Variants in SOX5 observed in about 807,000 individuals in gnomAD.
SOX5 encodes SRY-box transcription factor 5, also known as transcription factor SOX-5.
In SOX5, 9 loss-of-function variants were observed where a neutral mutation model predicts 92.0. The observed-to-expected ratio is 0.10, with a 90% CI of 0.06 to 0.17. SOX5 has a LOEUF of 0.17. Among genes scored for constraint, SOX5 ranks in the 10% least tolerant of loss-of-function variants. SOX5 has a pLI of 1.00. For synonymous variants in SOX5, 344 were observed against 336.3 expected (o/e 1.02, Z -0.25); for missense variants, 642 against 944.5 (o/e 0.68, Z 4.20).
At chr12:24,540,916 G>A (rs895308441) in intron 1 of SOX5, among the ~76,000 whole-genome samples, 1 of 152,006 alleles carries the variant, frequency 6.6e-6, no homozygotes, top group East Asian at 1.9e-4. Context: ...AGCTTCCATT[G>A]GGTGAAACTA....
At chr12:23,668,801 C>T (rs1398026872) in intron 6 of SOX5, among the ~76,000 whole-genome samples, 1 of 151,966 alleles carries the variant, frequency 6.6e-6, no homozygotes, top group East Asian at 1.9e-4. Flanking sequence ...TTTAAGAAGC[C>T]CCGTCTTAAT....
At chr12:24,378,474 C>A (rs1182820283) in intron 1 of SOX5, among the ~76,000 whole-genome samples, 4 of 152,206 alleles carry the variant, frequency 2.6e-5, no homozygotes, top group Admixed American at 2.6e-4. Flanking sequence ...GTTCCCCTAG[C>A]TCTGTCCTTG....
chr12:24,459,650 G>A (rs1312118711), intron 1 of SOX5, among the ~76,000 whole-genome samples: 1 of 151,920 alleles, frequency 6.6e-6, no homozygotes, highest in Non-Finnish European at 1.5e-5. Flanking sequence ...GAGTATACAG[G>A]GTACCAAAGG....
Position 24,268,183 on chromosome 12 carries a change from C to T in SOX5, c.-77+9033G>A, listed in dbSNP as rs1437414928. Among the ~76,000 whole-genome samples, 3 of 152,270 alleles carry T rather than the reference C, an allele frequency of 2.0e-5. No homozygotes were observed. In the East Asian group the frequency reaches 5.8e-4, roughly 29 times the overall value. ...TCTCCCAGTGAATTATATGTACATA[C>T]ACTTGAAACACCCAGAAAATAAGTC... On this transcript the variant is annotated intron_variant, in intron 3 of 4. Coordinates refer to the SOX5 transcript ENST00000446891.
chr12:23,673,389 G>C (rs2139627109), intron 6 of SOX5, among the ~76,000 whole-genome samples: 2 of 152,124 alleles, frequency 1.3e-5, no homozygotes, highest in Middle Eastern at 6.8e-3. Flanking sequence ...AATACAGCAT[G>C]GTCATTTGAA....
chr12:24,231,834 G>T (rs1242420875), intron 3 of SOX5, among the ~76,000 whole-genome samples: 1 of 152,100 alleles, frequency 6.6e-6, no homozygotes, highest in Non-Finnish European at 1.5e-5. Context: ...ACTTCATAGG[G>T]CTGTTTTGAG....
At chr12:23,625,591 C>T (rs1206029914) in intron 8 of SOX5, among the ~76,000 whole-genome samples, 3 of 152,100 alleles carry the variant, frequency 2.0e-5, no homozygotes, top group African/African-American at 4.8e-5. Context: ...AATTGTTCAG[C>T]CAACAGGCAA....
At chr12:23,694,171 T>C (rs2089408032) in intron 6 of SOX5, among the ~76,000 whole-genome samples, 1 of 152,226 alleles carries the variant, frequency 6.6e-6, no homozygotes, top group Non-Finnish European at 1.5e-5. Flanking sequence ...CATGACTGTT[T>C]TTAAGATCAT....
intron 8 of SOX5, among the ~76,000 whole-genome samples, chr12:23,627,151 G>A (rs939600876): frequency 9.2e-5 from 14 of 152,130 alleles, no homozygotes; most frequent in Admixed American, 8.5e-4. Context: ...CAAGAGGAAT[G>A]TTTGTTCCTT....
chr12:23,958,633 A>G (rs1946540914), intron 4 of SOX5, among the ~76,000 whole-genome samples: 1 of 151,912 alleles, frequency 6.6e-6, no homozygotes, highest in African/African-American at 2.4e-5. Context: ...TTCACTAGGA[A>G]TTGACGCTAG....
chr12:24,050,198 G>A (rs1296894919), intron 4 of SOX5, among the ~76,000 whole-genome samples: 1 of 151,676 alleles, frequency 6.6e-6, no homozygotes, highest in African/African-American at 2.4e-5. Context: ...ATTTTATAAG[G>A]TCCAGATTAA....
At chr12:24,286,863 T>C (rs984747537) in intron 2 of SOX5, among the ~76,000 whole-genome samples, 5 of 152,252 alleles carry the variant, frequency 3.3e-5, no homozygotes, top group African/African-American at 1.2e-4. Flanking sequence ...CTTATCCAAG[T>C]GATCTTGGAC....
rs1181079022 is a variant in SOX5 at position 24,525,281 on chromosome 12, A to G, written c.-251+37048T>C. The stretch of plus-strand genomic sequence containing the variant: ...CACATTGGGCTAAGTGAAATAAGCC[A>G]GTCACAGACAAATACTGCATGAGTT... On this transcript the variant is annotated intron_variant, in intron 1 of 4. Transcript: ENST00000446891. Among the ~76,000 whole-genome samples the G allele has an allele frequency of 2.0e-5, 3 of 152,224 alleles. 1 individual carries two copies. Among genetic ancestry groups the G allele is most frequent in the Non-Finnish European group, 4.4e-5 (3 of 68,042 alleles).
At chr12:24,263,526 T>TAAAA (rs1942504011) in intron 3 of SOX5, among the ~76,000 whole-genome samples, 1 of 8,242 alleles carries the variant, frequency 1.2e-4, no homozygotes, top group African/African-American at 1.4e-4. Context: ...AGACTCCGTC[T>TAAAA]CAAAAAAAAA....
chr12:23,756,245 CA>C (rs78277642), intron 3 of SOX5, among the ~76,000 whole-genome samples: 33 of 141,784 alleles, frequency 2.3e-4, no homozygotes, highest in Non-Finnish European at 3.1e-4. Context: ...TAAAAAAAAA[CA>C]AAAAAAAAAT....
chr12:24,110,299 T>C (rs981885172), intron 4 of SOX5, among the ~76,000 whole-genome samples: 1 of 152,184 alleles, frequency 6.6e-6, no homozygotes, highest in Non-Finnish European at 1.5e-5. Flanking sequence ...TAAGAGAACA[T>C]TACAAAATCA....
At chr12:24,282,947 A>T (rs1012750624) in intron 2 of SOX5, among the ~76,000 whole-genome samples, 28 of 152,198 alleles carry the variant, frequency 1.8e-4, no homozygotes. Context: ...TGTGTTTTAA[A>T]CATCTATATT....
At chr12:23,674,801 CTATATATACTACTATGTAA>C (rs1388220324) in intron 6 of SOX5, among the ~76,000 whole-genome samples, 1 of 151,532 alleles carries the variant, frequency 6.6e-6, no homozygotes, top group Non-Finnish European at 1.5e-5. Context: ...ATATATACTA[CTATATATACTACTATGTAA>C]TATATATACT....
chr12:24,096,182 T>C (rs555773744), intron 4 of SOX5, among the ~76,000 whole-genome samples: 3 of 152,320 alleles, frequency 2.0e-5, no homozygotes, highest in African/African-American at 7.2e-5. Context: ...GTTTGTTATA[T>C]AGGTATACAT....
Sources: gnomAD v4.1 joint callset for allele counts (sites outside exome capture counted in the v4.1 genomes callset) on GRCh38, gnomAD v4.1.1 for gene constraint, MANE v1.5 for transcripts, NCBI Gene and HGNC (gene_info 2026-07-23, HGNC 2026-07-21) for gene names.